The following GABRG3 variants were observed in gnomAD, a reference collection of about 807,000 sequenced individuals.
GABRG3 encodes the protein gamma-aminobutyric acid type A receptor subunit gamma3.
A neutral mutation model predicts 48.8 loss-of-function variants in GABRG3; 25 were observed. The ratio of observed to expected loss-of-function variants is 0.51; its 90% CI spans 0.37 to 0.72. The LOEUF is 0.72. GABRG3 is among the 30% of genes least tolerant of loss of function. GABRG3 has a pLI of 0.00. For missense variants in GABRG3, 394 were observed against 577.9 expected (o/e 0.68, Z 3.26); for synonymous variants, 227 against 217.6 (o/e 1.04, Z -0.38).
chr15:27,362,382 G>T (rs775975693), intron 5 of GABRG3: 1 of 152,180 alleles, frequency 6.6e-6, no homozygotes, highest in Non-Finnish European at 1.5e-5. Flanking sequence ...ATCCCAGCAA[G>T]ATTTGTCTGG....
At chr15:27,307,695 A>G (rs537049780) in intron 3 of GABRG3, among the ~76,000 whole-genome samples, 15 of 127,460 alleles carry the variant, frequency 1.2e-4, no homozygotes, top group Admixed American at 7.6e-4. Context: ...TTATGTTTAT[A>G]TATTTATATA....
intron 3 of GABRG3, among the ~76,000 whole-genome samples, chr15:27,280,597 T>C (rs1891401411): frequency 6.6e-6 from 1 of 152,246 alleles, no homozygotes. Flanking sequence ...CCATAAGTTA[T>C]TTAGAAGTAT....
At chr15:27,250,084 CCCCCTCACCAGCCCCCA>C (rs1419356601) in intron 3 of GABRG3, among the ~76,000 whole-genome samples, 1 of 152,088 alleles carries the variant, frequency 6.6e-6, no homozygotes, top group Non-Finnish European at 1.5e-5. Flanking sequence ...CTCTCCAAAG[CCCCCTCACCAGCCCCCA>C]CCAGGTGCTC....
intron 3 of GABRG3, among the ~76,000 whole-genome samples, chr15:27,296,042 G>A (rs181577299): frequency 7.2e-5 from 11 of 152,222 alleles, no homozygotes; most frequent in East Asian, 3.9e-4. Flanking sequence ...TTGGTCTTCC[G>A]TGCCAGGAGT....
At chr15:27,181,668 T>C (rs1341102982) in intron 3 of GABRG3, among the ~76,000 whole-genome samples, 1 of 152,202 alleles carries the variant, frequency 6.6e-6, no homozygotes, top group Non-Finnish European at 1.5e-5. Flanking sequence ...CAAATACTTA[T>C]TCCTCCACTT....
At chr15:27,162,960 A>G (rs1887245616) in intron 3 of GABRG3, among the ~76,000 whole-genome samples, 1 of 152,024 alleles carries the variant, frequency 6.6e-6, no homozygotes, top group East Asian at 1.9e-4. Context: ...CGTGGAGGTT[A>G]CGAGATTCAC....
At chr15:27,277,817 CTT>C (rs1469067226) in intron 3 of GABRG3, among the ~76,000 whole-genome samples, 1 of 152,080 alleles carries the variant, frequency 6.6e-6, no homozygotes, top group Admixed American at 6.6e-5. Flanking sequence ...AAAGCATTAT[CTT>C]TTATTTCTTT....
chr15:27,101,842 T>TAAA (rs55887752), intron 3 of GABRG3, among the ~76,000 whole-genome samples: 1,539 of 72,406 alleles, frequency 0.021, 42 homozygotes, highest in African/African-American at 0.06. Context: ...GCTGATGAGC[T>TAAA]AAAAAAAAAA....
chr15:27,034,111 A>G lies in GABRG3; in HGVS notation c.270+7290A>G, dbSNP rs142830203. Among the ~76,000 whole-genome samples the G allele has an allele frequency of 2.9e-3, 436 of 152,338 alleles. 1 individual carries two copies. The highest frequency in any genetic ancestry group is 3.9e-3 in the Non-Finnish European group (268 of 68,036). On this transcript the variant is annotated intron_variant, in intron 3 of 9. Transcript: ENST00000615808. ...ATCTAACTCACCATGACTTCTCCAT[A>G]TGAAAAGCATACACAACTTACCCTG...
At chr15:27,164,180 A>G (rs1009009855) in intron 3 of GABRG3, among the ~76,000 whole-genome samples, 1 of 149,170 alleles carries the variant, frequency 6.7e-6, no homozygotes, top group Non-Finnish European at 1.5e-5. Context: ...ACCTAGATTA[A>G]TTGTTATCCT....
intron 3 of GABRG3, among the ~76,000 whole-genome samples, chr15:27,303,765 T>C (rs920093563): frequency 2.4e-4 from 37 of 151,344 alleles, no homozygotes; most frequent in East Asian, 1.2e-3. Context: ...TATATATATA[T>C]ACACACACAT....
At chr15:27,384,179 C>T (rs1005195909) in intron 5 of GABRG3, among the ~76,000 whole-genome samples, 7 of 152,144 alleles carry the variant, frequency 4.6e-5, no homozygotes, top group Non-Finnish European at 1.0e-4. Context: ...AATTGTGAGA[C>T]CCGAAGTCAA....
chr15:27,311,151 C>A (rs532703721), intron 3 of GABRG3, among the ~76,000 whole-genome samples: 2 of 152,160 alleles, frequency 1.3e-5, no homozygotes, highest in African/African-American at 2.4e-5. Context: ...CCTGTGATCT[C>A]ACCAATTCAG....
intron 3 of GABRG3, among the ~76,000 whole-genome samples, chr15:27,216,749 T>A (rs1889264123): frequency 8.3e-6 from 1 of 120,764 alleles, no homozygotes; most frequent in African/African-American, 3.8e-5. Flanking sequence ...TTTTTTTTAT[T>A]TTTTATTTAT....
chr15:27,522,182 T>C (rs3097505), intron 7 of GABRG3, among the ~76,000 whole-genome samples: 84,576 of 151,730 alleles, frequency 0.56, 23,709 homozygotes, highest in East Asian at 0.67. Context: ...TGTGCAATAA[T>C]GGAGACCAGA....
At chr15:27,107,303 A>G (rs1170496094) in intron 3 of GABRG3, among the ~76,000 whole-genome samples, 2 of 152,040 alleles carry the variant, frequency 1.3e-5, no homozygotes, top group Non-Finnish European at 2.9e-5. Context: ...TGTCTGCATC[A>G]GTGGGTAGAA....
intron 8 of GABRG3, 67 bp downstream of exon 8, chr15:27,527,696 A>G (rs1283876567): frequency 7.2e-7 from 1 of 1,393,372 alleles, no homozygotes; most frequent in Non-Finnish European, 9.9e-7. Flanking sequence ...GTGTGTACTT[A>G]AATGCAGTTG....
Position 27,497,738 on chromosome 15 carries a change from C to T in GABRG3, c.712+16951C>T, listed in dbSNP as rs1890521681. Among the ~76,000 whole-genome samples, 3 of 152,130 alleles carry T rather than the reference C, an allele frequency of 2.0e-5. No homozygotes were observed. In the South Asian group the frequency reaches 6.2e-4, roughly 32 times the overall value. ...GTGTTTCATATGAGTGTTTCCTACC[C>T]TATGAACACCAGGTAATTTAGATTG... On this transcript the variant is annotated intron_variant, in intron 6 of 9. Transcript: ENST00000615808.
intron 3 of GABRG3, among the ~76,000 whole-genome samples, chr15:27,224,119 C>T (rs1195911200): frequency 1.3e-5 from 2 of 152,200 alleles, no homozygotes; most frequent in South Asian, 2.1e-4. Flanking sequence ...CTCCCAGTGG[C>T]CTCCAACTTC....
Sources: allele counts gnomAD v4.1 joint callset (sites outside exome capture counted in the v4.1 genomes callset), GRCh38; gene constraint gnomAD v4.1.1; transcripts MANE v1.5; gene names NCBI Gene and HGNC (gene_info 2026-07-23, HGNC 2026-07-21).